The following XRCC2 variants were observed in gnomAD, a reference collection of about 807,000 sequenced individuals.
The protein encoded by XRCC2 is X-ray repair cross complementing 2.
In XRCC2, 24 loss-of-function variants were observed where a neutral mutation model predicts 27.3. That is an observed-to-expected ratio of 0.88 (90% CI 0.64 to 1.24). The LOEUF (loss-of-function observed/expected upper bound fraction) is 1.24, where lower values mean the gene tolerates loss of function less well. XRCC2 is among the 50% of genes most tolerant of loss of function. The probability of loss-of-function intolerance (pLI) is 0.00; values close to 1 mark genes in which losing one functional copy is unlikely to be tolerated. For missense variants in XRCC2, 321 were observed against 325.8 expected, an observed-to-expected ratio of 0.99 and a Z score of 0.11; for synonymous variants, 106 against 115.4, an observed-to-expected ratio of 0.92 and a Z score of 0.52.
chr7:152,646,437 G>A lies in XRCC2; in HGVS notation c.*2205C>T, dbSNP rs921237221. 2.0e-5 allele frequency: 3 copies of A among 152,030 alleles called. No individual in the cohort carries two copies. Among genetic ancestry groups the A allele is most frequent in the South Asian group, 2.1e-4 (1 of 4,826 alleles). 9.4% of individuals were successfully genotyped at this position (152,030 alleles called of 1,614,324 possible). On this transcript the variant is annotated 3_prime_UTR_variant, in exon 3 of 3. Coordinates refer to ENST00000359321, the MANE Select transcript of XRCC2 (RefSeq NM_005431.2). ...ATGTTAGTTTGCTAAGGATAATAGC[G>A]TCCAGCTCCATCCATGTCCCTGGCA...
intron 1 of XRCC2, among the ~76,000 whole-genome samples, chr7:152,674,502 C>T (rs1186690208): frequency 6.6e-6 from 1 of 151,434 alleles, no homozygotes; most frequent in East Asian, 1.9e-4. Context: ...ATCCCAGCTA[C>T]TTGGGAGGCT....
In XRCC2 at chr7:152,676,059, C is replaced by T. The variant is rs531499084; in HGVS notation, c.21G>A (p.Arg7=). 4.5e-5 allele frequency: 72 copies of T among 1,613,866 alleles called. No individual in the cohort carries two copies. The South Asian group carries it at 7.4e-4, about 16-fold the overall frequency. The change falls in exon 1 of 3, where the codon AGG becomes AGA. Residue 7 remains arginine (R), a synonymous_variant. Transcript: ENST00000359321. MCSAFH[R]AESGTELLAR... ...CTCTCACCTCGGTCCCAGACTCAGC[C>T]CTATGGAAGGCACTACACATCGCCC...
At chr7:152,659,360 T>C (rs1291674926) in intron 2 of XRCC2, among the ~76,000 whole-genome samples, 1 of 152,134 alleles carries the variant, frequency 6.6e-6, no homozygotes, top group Non-Finnish European at 1.5e-5. Flanking sequence ...TTAGTAGAGA[T>C]GGGGGTTTCA....
At chr7:152,665,760 G>C (rs2098035348) in intron 1 of XRCC2, among the ~76,000 whole-genome samples, 1 of 151,592 alleles carries the variant, frequency 6.6e-6, no homozygotes. Context: ...GGAATTACAG[G>C]TGTGAGCTAC....
intron 2 of XRCC2, among the ~76,000 whole-genome samples, chr7:152,656,814 T>G (rs557288405): frequency 6.6e-6 from 1 of 152,292 alleles, no homozygotes; most frequent in East Asian, 1.9e-4. Context: ...ATGGAGAATT[T>G]TGGTTAGCAA....
chr7:152,674,395 T>G (rs906016515), intron 1 of XRCC2, among the ~76,000 whole-genome samples: 1 of 152,054 alleles, frequency 6.6e-6, no homozygotes, highest in African/African-American at 2.4e-5. Flanking sequence ...GCGGATCACC[T>G]GAGGTCAGGA....
chr7:152,668,573 G>A (rs2098036898), intron 1 of XRCC2, among the ~76,000 whole-genome samples: 1 of 152,190 alleles, frequency 6.6e-6, no homozygotes, highest in South Asian at 2.1e-4. Flanking sequence ...TGCTTGACAT[G>A]ACAGTTTAAT....
chr7:152,658,570 C>A (rs143244887), intron 2 of XRCC2, among the ~76,000 whole-genome samples: 37 of 152,358 alleles, frequency 2.4e-4, no homozygotes, highest in African/African-American at 8.7e-4. Context: ...ATTTTGCACC[C>A]ATTAAACAAT....
intron 2 of XRCC2, among the ~76,000 whole-genome samples, chr7:152,653,613 C>A (rs1473059375): frequency 8.7e-6 from 1 of 115,268 alleles, no homozygotes; most frequent in Non-Finnish European, 1.8e-5. Context: ...GTGTGTGCCA[C>A]CACACCTGGG....
At chr7:152,673,862 T>C (rs1373336602) in intron 1 of XRCC2, among the ~76,000 whole-genome samples, 2 of 151,812 alleles carry the variant, frequency 1.3e-5, no homozygotes, top group African/African-American at 4.8e-5. Context: ...GGCGACAGAG[T>C]GAGACTCTTG....
intron 1 of XRCC2, among the ~76,000 whole-genome samples, chr7:152,674,679 T>C (rs1476827853): frequency 1.6e-4 from 3 of 18,564 alleles, no homozygotes; most frequent in African/African-American, 2.6e-4. Context: ...ATAATCTATA[T>C]TATAAATATA....
In XRCC2 at chr7:152,645,584, CCTT is replaced by C. The variant is rs1267573112; in HGVS notation, c.*3055_*3057del. The C allele has an allele frequency of 1.3e-5, 2 of 152,090 alleles. No individual in the cohort carries two copies. The highest frequency in any genetic ancestry group is 2.4e-5 in the African/African-American group (1 of 41,420). The allele number at this position is 152,090 out of a possible 1,614,324, so 9.4% of individuals were successfully genotyped here. ...ATGACAGTTTTGTTTCTTCCATATG[CCTT>C]TTTTTCATGCTTTTTCATTTTCCTT... On this transcript the variant is annotated 3_prime_UTR_variant, in exon 3 of 3. Transcript: ENST00000359321.
At chr7:152,662,877 T>C (rs2098033915) in intron 1 of XRCC2, among the ~76,000 whole-genome samples, 1 of 152,172 alleles carries the variant, frequency 6.6e-6, no homozygotes, top group African/African-American at 2.4e-5. Flanking sequence ...CCGGCCTTAT[T>C]TGCATTTTTT....
At chr7:152,673,314 C>CTGGGAT (rs1308542694) in intron 1 of XRCC2, among the ~76,000 whole-genome samples, 1 of 151,858 alleles carries the variant, frequency 6.6e-6, no homozygotes, top group Non-Finnish European at 1.5e-5. Flanking sequence ...TCCCAAGTAG[C>CTGGGAT]TGGGATTACA....
chr7:152,651,262 C>A (rs916493757), intron 2 of XRCC2, among the ~76,000 whole-genome samples: 1 of 151,894 alleles, frequency 6.6e-6, no homozygotes, highest in East Asian at 1.9e-4. Flanking sequence ...ATCAACAAAC[C>A]GTTGTATATT....
chr7:152,670,175 C>A (rs1051995160), intron 1 of XRCC2, among the ~76,000 whole-genome samples: 1 of 152,164 alleles, frequency 6.6e-6, no homozygotes, highest in African/African-American at 2.4e-5. Flanking sequence ...CAACTAAATT[C>A]CCTACTGAAT....
At chr7:152,667,280 G>A (rs1190293956) in intron 1 of XRCC2, among the ~76,000 whole-genome samples, 1 of 151,654 alleles carries the variant, frequency 6.6e-6, no homozygotes, top group Non-Finnish European at 1.5e-5. Context: ...GGTGGCACAT[G>A]CCTGTAATCC....
At position 152,648,837 on chromosome 7, in the gene XRCC2, CAGTCGTCGAG is replaced by C. The variant is rs1198825473; in HGVS notation, c.638_647del (p.Ser213CysfsTer6). ...GTCTGTAGTCTATGTCCACATCACA[CAGTCGTCGAG>C]AGGCATGAGAAGGTTCTTCTGATGA... On this transcript the variant is annotated frameshift_variant, in exon 3 of 3. Transcript: ENST00000359321. LOFTEE classifies it high-confidence loss of function. 3 of 1,613,852 alleles carry C rather than the reference CAGTCGTCGAG, an allele frequency of 1.9e-6. No individual in the cohort carries two copies. The highest frequency in any genetic ancestry group is 2.5e-6 in the Non-Finnish European group (3 of 1,179,746).
intron 1 of XRCC2, among the ~76,000 whole-genome samples, chr7:152,670,655 G>A (rs1262447212): frequency 6.6e-6 from 1 of 152,076 alleles, no homozygotes; most frequent in African/African-American, 2.4e-5. Context: ...CTGGAGTGCA[G>A]TGGTGTGATC....
Sources: gnomAD v4.1 joint callset for allele counts (sites outside exome capture counted in the v4.1 genomes callset) on GRCh38, gnomAD v4.1.1 for gene constraint, MANE v1.5 for transcripts, NCBI Gene and HGNC (gene_info 2026-07-23, HGNC 2026-07-21) for gene names.